Variants in NUB1 observed in about 807,000 individuals in gnomAD.
NUB1 encodes negative regulator of ubiquitin like proteins 1.
Under a neutral mutation model 77.1 loss-of-function variants are expected in NUB1, and 41 were observed. That is an observed-to-expected ratio of 0.53 (90% CI 0.41 to 0.69). The LOEUF (loss-of-function observed/expected upper bound fraction) is 0.69, where lower values mean the gene tolerates loss of function less well. Ranked by LOEUF, NUB1 falls within the 30% of genes least tolerant of loss-of-function variation. The probability of loss-of-function intolerance (pLI) is 0.00; values close to 1 mark genes in which losing one functional copy is unlikely to be tolerated. For missense variants in NUB1, 643 were observed against 743.8 expected (o/e 0.86, Z 1.58); for synonymous variants, 257 against 281.0 (o/e 0.91, Z 0.85).
intron 8 of NUB1, 161 bp downstream of exon 8, chr7:151,360,408 G>A (rs1377173827): frequency 4.2e-6 from 2 of 475,342 alleles, no homozygotes; most frequent in Non-Finnish European, 7.5e-6. Context: ...TCTTCCCTTT[G>A]TATTTCTAAT....
At position 151,366,945 on chromosome 7, in the gene NUB1, T is replaced by G. The variant is rs1271078371; in HGVS notation, c.807T>G (p.Cys269Trp). The G allele has an allele frequency of 1.2e-6, 2 of 1,604,080 alleles. No homozygotes were observed. Among genetic ancestry groups the G allele is most frequent in the South Asian group, 1.1e-5 (1 of 89,206 alleles). ...LLDADKYFCECCRELLDTVDN... is the reference protein window; with the variant it reads ...LLDADKYFCEWCRELLDTVDN... ...ACTGTCCTTCTCTTTCCAGTGAGTG[T>G]TGCAGAGAGCTGCTGGACACAGTGG... is the stretch of plus-strand genomic sequence containing the variant. Residue 269 changes from cysteine to tryptophan, a missense_variant, in exon 9 of 15, where the codon TGT (cysteine) becomes TGG (tryptophan). Coordinates refer to ENST00000568733, the MANE Select transcript of NUB1 (RefSeq NM_001243351.2).
rs772128778 is a variant in NUB1 at position 151,349,247 on chromosome 7, A to G, written c.285+7A>G. ...ACCACCAAGACTAAAAAAAGTGAGT[A>G]ATTTCCCTAAATTTGAGTAGGCACT... On this transcript the variant is annotated splice_region_variant and intron_variant, in intron 3 of 14. Coordinates refer to ENST00000568733, the MANE Select transcript of NUB1 (RefSeq NM_001243351.2). 3.1e-6 allele frequency: 5 copies of G among 1,600,964 alleles called. No homozygotes were observed. Among genetic ancestry groups the G allele is most frequent in the Non-Finnish European group, 4.3e-6 (5 of 1,174,204 alleles).
intron 3 of NUB1, chr7:151,351,119 G>T (rs1796772797): frequency 2.9e-6 from 1 of 348,278 alleles, no homozygotes; most frequent in Non-Finnish European, 5.3e-6. Flanking sequence ...TGGGGTGCAG[G>T]CCATGGTGTT....
In NUB1 at chr7:151,352,795, C is replaced by T; in HGVS notation, c.345-17C>T. On this transcript the variant is annotated splice_polypyrimidine_tract_variant and intron_variant, in intron 4 of 14. Transcript: ENST00000568733. ...CAATTTTGTTTTCCTACAATTTTCA[C>T]TGGTTTTATTTTACAGAATAGCTGA... The T allele has an allele frequency of 6.9e-7, 1 of 1,451,260 alleles. No individual in the cohort carries two copies. Among genetic ancestry groups the T allele is most frequent in the South Asian group, 1.2e-5 (1 of 83,692 alleles). 89.9% of individuals were successfully genotyped at this position (1,451,260 alleles called of 1,614,324 possible).
chr7:151,351,919 A>T (rs1272052367), intron 4 of NUB1, among the ~76,000 whole-genome samples: 2 of 151,852 alleles, frequency 1.3e-5, no homozygotes, highest in Admixed American at 1.3e-4. Context: ...TCTGTAAAAC[A>T]CACACACACA....
chr7:151,349,448 C>T (rs1483439663), intron 3 of NUB1, among the ~76,000 whole-genome samples: 1 of 152,192 alleles, frequency 6.6e-6, no homozygotes, highest in African/African-American at 2.4e-5. Context: ...CCCTCTTGGG[C>T]TTCTAAAATG....
chr7:151,376,352 G>T (rs1020916422), intron 13 of NUB1: 13 of 491,366 alleles, frequency 2.6e-5, no homozygotes, highest in Non-Finnish European at 4.4e-5. Flanking sequence ...CACTGACCTC[G>T]CGGTGCTCGT....
chr7:151,363,150 A>G (rs1398228562), intron 8 of NUB1, among the ~76,000 whole-genome samples: 3 of 152,268 alleles, frequency 2.0e-5, no homozygotes, highest in African/African-American at 7.2e-5. Context: ...ATAACAAGCA[A>G]AAAAATCAGT....
In NUB1 at chr7:151,367,952, A is replaced by C. The variant is rs764104380; in HGVS notation, c.1079A>C (p.Tyr360Ser). 2.2e-5 allele frequency: 34 copies of C among 1,580,250 alleles called. No individual in the cohort carries two copies. The highest frequency in any genetic ancestry group is 2.6e-5 in the Non-Finnish European group (30 of 1,159,862). ...CACAGTGGAAATGATGTAGAGGCTT[A>C]TGAGTATCTTAACAAGGTAAGAAAA... ...NYHSGNDVEA[Y>S]EYLNKARQLF... Residue 360 changes from tyrosine (Y) to serine (S), a missense_variant, in exon 10 of 15, where the codon TAT becomes TCT. Tyr to Ser is a moderately radical substitution (Grantham distance 144). Coordinates refer to ENST00000568733, the MANE Select transcript of NUB1 (RefSeq NM_001243351.2).
At chr7:151,360,680 A>G in intron 8 of NUB1, 2 of 155,164 alleles carry the variant, frequency 1.3e-5, no homozygotes, top group South Asian at 2.0e-4. Context: ...ATGCAGTGGC[A>G]TGATCTCAGC....
At chr7:151,366,872 A>G (rs1797714194) in intron 8 of NUB1, 67 bp from the exon 9 acceptor site, 2 of 1,281,038 alleles carry the variant, frequency 1.6e-6, no homozygotes, top group Non-Finnish European at 2.1e-6. Context: ...ATTCACAAAA[A>G]GGTTTCAAAT....
Position 151,376,629 on chromosome 7 carries a change from C to T in NUB1, c.1492-5C>T, listed in dbSNP as rs767033870. 19 of 1,607,070 alleles carry T rather than the reference C, an allele frequency of 1.2e-5. No individual in the cohort carries two copies. Among genetic ancestry groups the T allele is most frequent in the Non-Finnish European group, 1.5e-5 (18 of 1,176,742 alleles). The stretch of plus-strand genomic sequence containing the variant: ...TGATGCTGTGACCCCTGCGCTCTCC[C>T]CTAGTTGGTGTACATGGGTTTTGAT... On this transcript the variant is annotated splice_region_variant and splice_polypyrimidine_tract_variant and intron_variant, in intron 13 of 14. Transcript: ENST00000568733.
chr7:151,375,069 G>A (rs1340739769), intron 12 of NUB1, among the ~76,000 whole-genome samples: 1 of 151,952 alleles, frequency 6.6e-6, no homozygotes, highest in Non-Finnish European at 1.5e-5. Context: ...TGCAGGGCAG[G>A]TGTCCTCGTT....
chr7:151,368,072 T>G, intron 10 of NUB1, 104 bp downstream of exon 10: 1 of 672,482 alleles, frequency 1.5e-6, no homozygotes, highest in Admixed American at 2.7e-5. Flanking sequence ...GAAACATGCC[T>G]GTGCTTTCTC....
chr7:151,371,359 C>T (rs1258354081), intron 11 of NUB1, among the ~76,000 whole-genome samples: 1 of 42,768 alleles, frequency 2.3e-5, no homozygotes, highest in African/African-American at 8.0e-5. Context: ...TGTCTTTTAC[C>T]CCCACCCCCC....
At position 151,360,162 on chromosome 7, in the gene NUB1, TATC is replaced by T. The variant is rs1221188101; in HGVS notation, c.718_720del (p.His240del). On this transcript the variant is annotated inframe_deletion, in exon 8 of 15. Transcript: ENST00000568733. The stretch of plus-strand genomic sequence containing the variant: ...CTAGGCCCTTATGTTAGCTATGGGA[TATC>T]ATGAGAAGGGCAGAGCTTTCCTGAA... 2 of 1,595,568 alleles carry T rather than the reference TATC, an allele frequency of 1.3e-6. No homozygotes were observed. The highest frequency in any genetic ancestry group is 2.2e-5 in the South Asian group (2 of 90,592).
intron 1 of NUB1, among the ~76,000 whole-genome samples, chr7:151,343,511 A>G (rs902080921): frequency 6.6e-6 from 1 of 152,186 alleles, no homozygotes. Context: ...TCCACTCTCT[A>G]GAACTTGTCT....
chr7:151,357,429 G>A (rs1329296801), intron 7 of NUB1, among the ~76,000 whole-genome samples: 2 of 151,686 alleles, frequency 1.3e-5, no homozygotes, highest in Admixed American at 6.6e-5. Context: ...CAGCCCCTTG[G>A]GGGCCTCTAT....
intron 1 of NUB1, among the ~76,000 whole-genome samples, chr7:151,343,327 A>G (rs901972932): frequency 6.6e-6 from 1 of 152,122 alleles, no homozygotes; most frequent in African/African-American, 2.4e-5. Context: ...TTGTCCCCGC[A>G]CTGACATAAA....
Sources: gnomAD v4.1 joint callset for allele counts (sites outside exome capture counted in the v4.1 genomes callset) on GRCh38, gnomAD v4.1.1 for gene constraint, MANE v1.5 for transcripts, NCBI Gene and HGNC (gene_info 2026-07-23, HGNC 2026-07-21) for gene names.